TBC1D32: variants seen among roughly 807,000 people sequenced by gnomAD.
TBC1D32 encodes TBC1 domain family member 32.
In TBC1D32, 151 loss-of-function variants were observed where a neutral mutation model predicts 170.3. The observed-to-expected ratio is 0.89, with a 90% CI of 0.78 to 1.01. The LOEUF (loss-of-function observed/expected upper bound fraction) is 1.01, where lower values mean the gene tolerates loss of function less well. TBC1D32 is among the 50% of genes least tolerant of loss of function. The pLI is 0.00. For missense variants in TBC1D32, 1,464 were observed against 1,457.1 expected (o/e 1.00, Z -0.08); for synonymous variants, 498 against 488.0 (o/e 1.02, Z -0.27).
intron 20 of TBC1D32, among the ~76,000 whole-genome samples, chr6:121,225,441 CA>C (rs1239840080): frequency 6.6e-6 from 1 of 151,794 alleles, no homozygotes; most frequent in East Asian, 1.9e-4. Context: ...TAAAAGATTA[CA>C]AAAAAGCCTT....
chr6:121,155,487 T>C (rs1784765580), intron 24 of TBC1D32, among the ~76,000 whole-genome samples: 1 of 152,146 alleles, frequency 6.6e-6, no homozygotes, highest in Admixed American at 6.5e-5. Context: ...GGATGCTTTT[T>C]CTTTCTTTCT....
intron 20 of TBC1D32, among the ~76,000 whole-genome samples, chr6:121,224,115 A>G (rs1055661561): frequency 2.1e-4 from 32 of 151,192 alleles, no homozygotes; most frequent in African/African-American, 7.4e-4. Flanking sequence ...AGTATTCCTC[A>G]GCATGAAGTC....
At chr6:121,232,633 C>T (rs1795888907) in intron 20 of TBC1D32, among the ~76,000 whole-genome samples, 1 of 152,026 alleles carries the variant, frequency 6.6e-6, no homozygotes, top group African/African-American at 2.4e-5. Context: ...AGAGGTCTTT[C>T]ATGTCTTTGG....
intron 31 of TBC1D32, among the ~76,000 whole-genome samples, chr6:121,082,672 C>T (rs1775762320): frequency 6.6e-6 from 1 of 151,960 alleles, no homozygotes; most frequent in Non-Finnish European, 1.5e-5. Context: ...TAAGCAATAT[C>T]TATTTAACAT....
At chr6:121,112,996 C>G (rs1045781575) in intron 28 of TBC1D32, 66 bp downstream of exon 28, 3 of 1,183,614 alleles carry the variant, frequency 2.5e-6, no homozygotes, top group Non-Finnish European at 3.7e-6. Context: ...CAAGGTATAT[C>G]ATCAAAGAAT....
chr6:121,334,454 C>T lies in TBC1D32; in HGVS notation c.-24G>A. The T allele has an allele frequency of 6.2e-7, 1 of 1,606,154 alleles. No individual in the cohort carries two copies. Among genetic ancestry groups the T allele is most frequent in the Non-Finnish European group, 8.5e-7 (1 of 1,175,892 alleles). On this transcript the variant is annotated 5_prime_UTR_variant, in exon 1 of 32. Transcript: ENST00000398212. ...ATCCTGTTGGAATCAAACGTCCACT[C>T]TCATTACTCCAGGTCCGAGCAAAAG...
rs376405397 is a variant in TBC1D32 at position 121,321,718 on chromosome 6, A to G, written c.232T>C (p.Cys78Arg). The G allele has an allele frequency of 4.1e-5, 66 of 1,613,822 alleles. No homozygotes were observed. Among genetic ancestry groups the G allele is most frequent in the Non-Finnish European group, 5.3e-5 (62 of 1,179,932 alleles). Reference sequence around the variant, plus strand: ...TCACCCTGATTCCGATCAGATGTGCATTTTTCCATTTCTTCTTCAATCATA... The same window carrying G: ...TCACCCTGATTCCGATCAGATGTGCGTTTTTCCATTTCTTCTTCAATCATA... ...GSMIEEEMEK[C>R]TSDRNQGEEC... Residue 78 changes from cysteine to arginine, a missense_variant, in exon 2 of 32, where the codon TGC (cysteine) becomes CGC (arginine). Coordinates refer to ENST00000398212, the MANE Select transcript of TBC1D32 (RefSeq NM_152730.6).
intron 3 of TBC1D32, among the ~76,000 whole-genome samples, chr6:121,311,545 T>C (rs1808205023): frequency 6.6e-6 from 1 of 151,986 alleles, no homozygotes; most frequent in Admixed American, 6.6e-5. Flanking sequence ...CTGGCCAACA[T>C]GGTGAAACCC....
At chr6:121,220,877 G>GTGA (rs1794434959) in intron 21 of TBC1D32, among the ~76,000 whole-genome samples, 2 of 152,014 alleles carry the variant, frequency 1.3e-5, no homozygotes, top group South Asian at 4.1e-4. Context: ...CAGACCTCAG[G>GTGA]TGATCTCCCC....
intron 31 of TBC1D32, among the ~76,000 whole-genome samples, chr6:121,081,916 T>C (rs890470513): frequency 6.6e-6 from 1 of 152,006 alleles, no homozygotes; most frequent in African/African-American, 2.4e-5. Context: ...GAAAGGTTAG[T>C]TGGGACATTC....
At chr6:121,131,593 A>G (rs1428725490) in intron 25 of TBC1D32, 34 bp downstream of exon 25, 1 of 1,583,516 alleles carries the variant, frequency 6.3e-7, no homozygotes. Flanking sequence ...ATTTTCATAC[A>G]TAAGAAAACC....
At chr6:121,196,080 C>T (rs1385124036) in intron 22 of TBC1D32, among the ~76,000 whole-genome samples, 1 of 152,142 alleles carries the variant, frequency 6.6e-6, no homozygotes, top group Non-Finnish European at 1.5e-5. Context: ...ATACTTGTAT[C>T]CCATATGAGT....
At chr6:121,111,870 T>C (rs1000649388) in intron 29 of TBC1D32, among the ~76,000 whole-genome samples, 2 of 152,154 alleles carry the variant, frequency 1.3e-5, no homozygotes. Flanking sequence ...TGGAAAAGGT[T>C]TGAGAAACAT....
intron 31 of TBC1D32, among the ~76,000 whole-genome samples, chr6:121,085,278 TATATATATACATATATACATAC>T (rs986818536): frequency 1.3e-4 from 16 of 122,638 alleles, no homozygotes; most frequent in Non-Finnish European, 2.5e-4. Flanking sequence ...CATATATACG[TATATATATACATATATACATAC>T]ATATATATAC....
intron 20 of TBC1D32, among the ~76,000 whole-genome samples, chr6:121,224,676 C>T (rs890585811): frequency 2.0e-5 from 3 of 152,048 alleles, no homozygotes; most frequent in African/African-American, 7.2e-5. Flanking sequence ...CACCCTTGTT[C>T]TACATCCTTC....
intron 3 of TBC1D32, among the ~76,000 whole-genome samples, chr6:121,315,420 A>G (rs1808786503): frequency 6.6e-6 from 1 of 152,186 alleles, no homozygotes; most frequent in South Asian, 2.1e-4. Context: ...GCTCACAACT[A>G]TGGTAATAAC....
At chr6:121,334,550 C>A, upstream of TBC1D32, 1 of 1,239,592 alleles carries the variant, frequency 8.1e-7, no homozygotes, top group East Asian at 2.6e-5. Flanking sequence ...CCCAGGGATA[C>A]CGCGGCGAGC....
intron 24 of TBC1D32, among the ~76,000 whole-genome samples, chr6:121,152,266 G>A (rs1314808): frequency 0.17 from 25,801 of 152,036 alleles, 2,820 homozygotes; most frequent in African/African-American, 0.28. Flanking sequence ...ATGAAGCTTA[G>A]TTTAGCTGGG....
chr6:121,247,653 T>C (rs1797773433), intron 17 of TBC1D32, among the ~76,000 whole-genome samples: 1 of 90,130 alleles, frequency 1.1e-5, no homozygotes, highest in Non-Finnish European at 2.1e-5. Context: ...CAAAACCAAG[T>C]AGAAGTAGCT....
Sources: gnomAD v4.1 joint callset for allele counts (sites outside exome capture counted in the v4.1 genomes callset) on GRCh38, gnomAD v4.1.1 for gene constraint, MANE v1.5 for transcripts, NCBI Gene and HGNC (gene_info 2026-07-23, HGNC 2026-07-21) for gene names.